Variants in CFAP299 observed in about 807,000 individuals in gnomAD.
CFAP299 encodes the protein cilia- and flagella-associated protein 299.
CFAP299 carries 21 observed loss-of-function variants against 27.0 expected under a neutral mutation model. That is an observed-to-expected ratio of 0.78 (90% confidence interval 0.55 to 1.12). The LOEUF (loss-of-function observed/expected upper bound fraction) is 1.12. Ranked by LOEUF, CFAP299 falls within the 50% of genes most tolerant of loss-of-function variation. CFAP299 has a pLI of 0.00. For missense variants in CFAP299, 310 were observed against 276.6 expected (o/e 1.12, Z -0.86); for synonymous variants, 104 against 98.1 (o/e 1.06, Z -0.36).
chr4:80,606,415 A>G (rs534537524), intron 3 of CFAP299, among the ~76,000 whole-genome samples: 1 of 152,210 alleles, frequency 6.6e-6, no homozygotes, highest in South Asian at 2.1e-4. Context: ...GGCGCCTGTA[A>G]TCCCAGCTAC....
intron 2 of CFAP299, among the ~76,000 whole-genome samples, chr4:80,493,492 T>C (rs1488750930): frequency 6.6e-6 from 1 of 151,916 alleles, no homozygotes; most frequent in African/African-American, 2.4e-5. Context: ...TTGGAATGAG[T>C]TAGGGTGGAG....
chr4:80,841,575 G>A (rs1287358309), intron 3 of CFAP299, among the ~76,000 whole-genome samples: 5 of 152,040 alleles, frequency 3.3e-5, no homozygotes, highest in Admixed American at 3.3e-4. Context: ...TAATAGTAAT[G>A]TGAGTTATAT....
chr4:80,737,836 G>A (rs1724001988), intron 3 of CFAP299, among the ~76,000 whole-genome samples: 7 of 152,024 alleles, frequency 4.6e-5, no homozygotes, highest in African/African-American at 2.4e-5. Flanking sequence ...GTTGGTGAAT[G>A]TTTCTTCTTT....
chr4:80,951,442 T>C (rs771350372), intron 5 of CFAP299, among the ~76,000 whole-genome samples: 7 of 152,196 alleles, frequency 4.6e-5, no homozygotes, highest in Non-Finnish European at 1.0e-4. Flanking sequence ...ATTTGAAAAT[T>C]GTTCACAATT....
intron 3 of CFAP299, among the ~76,000 whole-genome samples, chr4:80,837,482 G>A (rs946220058): frequency 6.6e-6 from 1 of 151,994 alleles, no homozygotes; most frequent in South Asian, 2.1e-4. Context: ...TCCCCTCCCT[G>A]TGTCCATGTG....
chr4:80,471,807 G>T (rs1324918874), intron 2 of CFAP299, among the ~76,000 whole-genome samples: 1 of 152,184 alleles, frequency 6.6e-6, no homozygotes. Context: ...GTGACTGCCA[G>T]TGTTTCTGTA....
intron 2 of CFAP299, among the ~76,000 whole-genome samples, chr4:80,533,494 G>T (rs1213536931): frequency 6.6e-6 from 1 of 151,924 alleles, no homozygotes; most frequent in African/African-American, 2.4e-5. Flanking sequence ...TTCAGGGTGG[G>T]TACCTTTTGC....
chr4:80,431,150 G>A (rs1727795023), intron 2 of CFAP299, among the ~76,000 whole-genome samples: 1 of 152,118 alleles, frequency 6.6e-6, no homozygotes. Context: ...TTACTTTGTG[G>A]TTATTGCTAC....
At chr4:80,429,713 G>T (rs1727713495) in intron 2 of CFAP299, among the ~76,000 whole-genome samples, 3 of 152,058 alleles carry the variant, frequency 2.0e-5, no homozygotes, top group Admixed American at 6.5e-5. Flanking sequence ...TAGTTATTCA[G>T]CAGATTTGTA....
At chr4:80,694,865 A>G (rs539813076) in intron 3 of CFAP299, among the ~76,000 whole-genome samples, 67 of 152,344 alleles carry the variant, frequency 4.4e-4, no homozygotes, top group African/African-American at 1.5e-3. Context: ...TGAATATATT[A>G]TAAATTTGAG....
chr4:80,900,706 T>C (rs1305872284), intron 4 of CFAP299, among the ~76,000 whole-genome samples: 1 of 151,944 alleles, frequency 6.6e-6, no homozygotes, highest in African/African-American at 2.4e-5. Context: ...GGCAGTATTC[T>C]CTGGAAGAAA....
chr4:80,824,365 G>A (rs1217211360), intron 3 of CFAP299, among the ~76,000 whole-genome samples: 1 of 152,144 alleles, frequency 6.6e-6, no homozygotes, highest in Non-Finnish European at 1.5e-5. Context: ...GGTTTCAGCA[G>A]CTAGAGTGGG....
intron 2 of CFAP299, among the ~76,000 whole-genome samples, chr4:80,451,894 T>A (rs1470775840): frequency 6.6e-6 from 1 of 152,220 alleles, no homozygotes; most frequent in Non-Finnish European, 1.5e-5. Context: ...TAGAAAATTG[T>A]TCCTGGGAAG....
chr4:80,451,103 TG>T (rs1728883427), intron 2 of CFAP299, among the ~76,000 whole-genome samples: 1 of 152,088 alleles, frequency 6.6e-6, no homozygotes, highest in African/African-American at 2.4e-5. Flanking sequence ...GCAACAGAAA[TG>T]TATTTTCTTA....
chr4:80,775,887 G>T (rs1007236163), intron 3 of CFAP299, among the ~76,000 whole-genome samples: 7 of 152,086 alleles, frequency 4.6e-5, no homozygotes, highest in Non-Finnish European at 1.0e-4. Context: ...ATTGCAATTT[G>T]GGAACCAACT....
chr4:80,391,626 G>C (rs1381502813), intron 2 of CFAP299, among the ~76,000 whole-genome samples: 4 of 152,132 alleles, frequency 2.6e-5, no homozygotes, highest in Admixed American at 6.5e-5. Context: ...TCATATGTTT[G>C]TGGTGATGCT....
intron 3 of CFAP299, among the ~76,000 whole-genome samples, chr4:80,787,827 T>G (rs1416703303): frequency 3.9e-5 from 6 of 151,900 alleles, no homozygotes; most frequent in Non-Finnish European, 8.8e-5. Flanking sequence ...TATCTATTTT[T>G]GGTCATGCTA....
At chr4:80,500,369 C>A (rs975407514) in intron 2 of CFAP299, among the ~76,000 whole-genome samples, 2 of 152,098 alleles carry the variant, frequency 1.3e-5, no homozygotes, top group Non-Finnish European at 2.9e-5. Flanking sequence ...TTACTAATTT[C>A]TCCTTGGGAT....
At chr4:80,799,075 A>G (rs1728043404) in intron 3 of CFAP299, among the ~76,000 whole-genome samples, 1 of 144,636 alleles carries the variant, frequency 6.9e-6, no homozygotes, top group Admixed American at 7.4e-5. Flanking sequence ...GTAAAGGAAC[A>G]GAACTAATAG....
Sources: allele counts gnomAD v4.1 joint callset (sites outside exome capture counted in the v4.1 genomes callset), GRCh38; gene constraint gnomAD v4.1.1; transcripts MANE v1.5; gene names NCBI Gene and HGNC (gene_info 2026-07-23, HGNC 2026-07-21).